The following DLG1 variants were observed in gnomAD, a reference collection of about 807,000 sequenced individuals.
The protein encoded by DLG1 is disks large homolog 1.
In DLG1, 42 loss-of-function variants were observed where a neutral mutation model predicts 123.4. The observed-to-expected ratio is 0.34, with a 90% confidence interval of 0.27 to 0.44. The LOEUF (loss-of-function observed/expected upper bound fraction) is 0.44. Among genes scored for constraint, DLG1 ranks in the 20% least tolerant of loss-of-function variants. The probability of loss-of-function intolerance (pLI) is 1.00; values close to 1 mark genes in which losing one functional copy is unlikely to be tolerated. For missense variants in DLG1, 942 were observed against 1,082.6 expected (o/e 0.87, Z 1.82); for synonymous variants, 317 against 356.2 (o/e 0.89, Z 1.24).
chr3:197,145,767 A>AGGG (rs1457459564), intron 6 of DLG1, among the ~76,000 whole-genome samples: 1 of 150,768 alleles, frequency 6.6e-6, no homozygotes, highest in Non-Finnish European at 1.5e-5. Context: ...AGCACATAAA[A>AGGG]GGGGCTTTTT....
At chr3:197,197,741 T>C (rs957076202) in intron 4 of DLG1, among the ~76,000 whole-genome samples, 4 of 152,198 alleles carry the variant, frequency 2.6e-5, no homozygotes, top group African/African-American at 9.7e-5. Context: ...CCTCCTGATT[T>C]TGAAACTTAC....
intron 4 of DLG1, among the ~76,000 whole-genome samples, chr3:197,196,435 A>G (rs938828922): frequency 6.6e-6 from 1 of 152,212 alleles, no homozygotes; most frequent in Non-Finnish European, 1.5e-5. Context: ...TGACGTTAAC[A>G]TAAACATAGA....
intron 4 of DLG1, among the ~76,000 whole-genome samples, chr3:197,231,374 A>C (rs747069994): frequency 3.3e-5 from 5 of 152,232 alleles, no homozygotes; most frequent in Non-Finnish European, 7.3e-5. Flanking sequence ...TGATTTAGCA[A>C]AAATACCATA....
intron 4 of DLG1, among the ~76,000 whole-genome samples, chr3:197,266,419 C>T (rs1761719521): frequency 6.6e-6 from 1 of 151,962 alleles, no homozygotes; most frequent in Non-Finnish European, 1.5e-5. Flanking sequence ...CCAACCTGGG[C>T]AATCCAGCAA....
At chr3:197,132,086 C>T (rs1173966147) in intron 10 of DLG1, among the ~76,000 whole-genome samples, 1 of 152,038 alleles carries the variant, frequency 6.6e-6, no homozygotes, top group Non-Finnish European at 1.5e-5. Flanking sequence ...TTCATGCTTG[C>T]TTTCAGAAAT....
chr3:197,125,640 T>C (rs1778666360), intron 11 of DLG1, among the ~76,000 whole-genome samples: 1 of 152,168 alleles, frequency 6.6e-6, no homozygotes, highest in African/African-American at 2.4e-5. Flanking sequence ...TGAAAGTTAA[T>C]AATTATAGAT....
In DLG1 at chr3:197,116,076, T is replaced by C. The variant is rs746076966; in HGVS notation, c.1294A>G (p.Arg432Gly). The change falls in exon 13 of 25, where the codon AGA becomes GGA. Residue 432 changes from arginine to glycine, a missense_variant. Physicochemically the swap from Arg to Gly is moderately radical, Grantham distance 125 (BLOSUM62 -2). Transcript: ENST00000667157. Reference sequence around the variant, plus strand: ...GAGCCACGATGAAGAACAACTTTTCTAGGTTCCCTAAAAATTAAAAAAAAT... The same window carrying C: ...GAGCCACGATGAAGAACAACTTTTCCAGGTTCCCTAAAAATTAAAAAAAAT... ...LGDDEITREP[R>G]KVVLHRGSTG... 3.1e-6 allele frequency: 5 copies of C among 1,590,574 alleles called. No homozygotes were observed. The highest frequency in any genetic ancestry group is 4.3e-6 in the Non-Finnish European group (5 of 1,173,700).
intron 23 of DLG1, among the ~76,000 whole-genome samples, chr3:197,059,086 C>T (rs557725708): frequency 2.5e-4 from 38 of 152,192 alleles, no homozygotes; most frequent in African/African-American, 7.7e-4. Flanking sequence ...CGACCACGCC[C>T]GGCTAATTTT....
At chr3:197,077,127 T>C (rs1747810324) in intron 17 of DLG1, among the ~76,000 whole-genome samples, 1 of 152,090 alleles carries the variant, frequency 6.6e-6, no homozygotes, top group Non-Finnish European at 1.5e-5. Context: ...TATTCCTTTA[T>C]CTCTTTTTTT....
chr3:197,151,169 A>G (rs140357753), intron 5 of DLG1, among the ~76,000 whole-genome samples: 62 of 152,300 alleles, frequency 4.1e-4, no homozygotes, highest in Non-Finnish European at 7.8e-4. Flanking sequence ...AAAAAAATTA[A>G]TAATACAACT....
chr3:197,103,021 T>C (rs542203834), intron 14 of DLG1, among the ~76,000 whole-genome samples: 1 of 152,320 alleles, frequency 6.6e-6, no homozygotes, highest in African/African-American at 2.4e-5. Context: ...GGCTGCTTTA[T>C]CCAAATACGG....
At chr3:197,161,173 TTACCTAATAA>T (rs1277144772) in intron 5 of DLG1, among the ~76,000 whole-genome samples, 1 of 152,176 alleles carries the variant, frequency 6.6e-6, no homozygotes, top group Non-Finnish European at 1.5e-5. Context: ...GCTATTATTT[TTACCTAATAA>T]ATGTGAAGTG....
chr3:197,103,269 C>T (rs1476057237), intron 14 of DLG1, among the ~76,000 whole-genome samples: 3 of 152,010 alleles, frequency 2.0e-5, no homozygotes, highest in Admixed American at 6.6e-5. Flanking sequence ...TAGGAGCATG[C>T]GTGTATGTTT....
intron 14 of DLG1, among the ~76,000 whole-genome samples, chr3:197,091,537 A>G (rs1167811971): frequency 1.3e-5 from 2 of 152,022 alleles, no homozygotes; most frequent in Non-Finnish European, 2.9e-5. Context: ...AGTGATAAAC[A>G]AAATTTATTT....
chr3:197,278,479 C>A (rs1767624893), intron 4 of DLG1, among the ~76,000 whole-genome samples: 1 of 150,270 alleles, frequency 6.7e-6, no homozygotes, highest in African/African-American at 2.5e-5. Flanking sequence ...TCTAAAAAAA[C>A]AAAAAAAGTA....
chr3:197,295,609 T>A (rs997480558), intron 3 of DLG1, among the ~76,000 whole-genome samples: 1 of 152,308 alleles, frequency 6.6e-6, no homozygotes, highest in African/African-American at 2.4e-5. Context: ...TAGGAGATTA[T>A]ACACAAAATA....
chr3:197,281,901 T>C (rs1057380401), intron 4 of DLG1, among the ~76,000 whole-genome samples: 32 of 152,234 alleles, frequency 2.1e-4, no homozygotes, highest in African/African-American at 7.2e-4. Flanking sequence ...TTTACCAAAG[T>C]GCTATCTGGT....
chr3:197,180,879 A>G (rs1238195380), intron 5 of DLG1, among the ~76,000 whole-genome samples: 1 of 152,200 alleles, frequency 6.6e-6, no homozygotes, highest in African/African-American at 2.4e-5. Context: ...CCAGGAGATA[A>G]CATTTGAGGT....
intron 5 of DLG1, among the ~76,000 whole-genome samples, chr3:197,193,741 C>A (rs1389803649): frequency 1.3e-5 from 2 of 151,274 alleles, no homozygotes; most frequent in Admixed American, 6.6e-5. Flanking sequence ...TAAATATACT[C>A]AGGATTATAG....
Sources: allele counts gnomAD v4.1 joint callset (sites outside exome capture counted in the v4.1 genomes callset), GRCh38; gene constraint gnomAD v4.1.1; transcripts MANE v1.5; gene names NCBI Gene and HGNC (gene_info 2026-07-23, HGNC 2026-07-21).